ARID1B: variants seen among roughly 807,000 people sequenced by gnomAD.
The protein encoded by ARID1B is AT-rich interaction domain 1B.
A neutral mutation model predicts 212.3 loss-of-function variants in ARID1B; 30 were observed. The ratio of observed to expected loss-of-function variants is 0.14; its 90% CI spans 0.11 to 0.19. The LOEUF is 0.19. ARID1B is among the 10% of genes least tolerant of loss of function. ARID1B has a pLI of 1.00. For synonymous variants in ARID1B, 1,402 were observed against 1,301.7 expected (o/e 1.08, Z -1.66); for missense variants, 2,891 against 3,204.0 (o/e 0.90, Z 2.36).
At chr6:156,879,155 C>G (rs1223212339) in intron 2 of ARID1B, among the ~76,000 whole-genome samples, 1 of 152,230 alleles carries the variant, frequency 6.6e-6, no homozygotes, top group African/African-American at 2.4e-5. Context: ...TACCCACGCA[C>G]TCGGAGCCTC....
intron 4 of ARID1B, among the ~76,000 whole-genome samples, chr6:157,022,074 G>A (rs1420975722): frequency 1.3e-5 from 2 of 152,168 alleles, no homozygotes; most frequent in Non-Finnish European, 2.9e-5. Flanking sequence ...CGGTGGAAAA[G>A]CCAGGAACTA....
rs150385923 is a variant in ARID1B, at chr6:156,914,783, T to C, written c.2136+13258T>C. Among the ~76,000 whole-genome samples, 493 of 152,344 alleles carry C rather than the reference T, an allele frequency of 3.2e-3. 7 individuals carry two copies. The highest frequency in any genetic ancestry group is 0.021 in the East Asian group (111 of 5,186). ...GCGGGCCTCTGGCCACCCAGCCCTT[T>C]ATCCACAAACCTGCCCTGTCTATAT... On this transcript the variant is annotated intron_variant, in intron 3 of 19. Coordinates refer to ENST00000636930, the MANE Select transcript of ARID1B (RefSeq NM_001374828.1).
chr6:157,170,745 G>T (rs1363691810), intron 9 of ARID1B, among the ~76,000 whole-genome samples: 2 of 152,092 alleles, frequency 1.3e-5, no homozygotes, highest in Non-Finnish European at 2.9e-5. Flanking sequence ...CAGGGTACTC[G>T]CTGGCCCCAC....
chr6:157,115,412 A>C (rs953922892), intron 6 of ARID1B, among the ~76,000 whole-genome samples: 1 of 151,608 alleles, frequency 6.6e-6, no homozygotes, highest in Non-Finnish European at 1.5e-5. Flanking sequence ...GTGCTGCTGG[A>C]AGTTTTCTTT....
chr6:157,143,501 T>A (rs1300145928), intron 7 of ARID1B, among the ~76,000 whole-genome samples: 1 of 151,698 alleles, frequency 6.6e-6, no homozygotes, highest in Non-Finnish European at 1.5e-5. Context: ...GGGGTGATGT[T>A]AGTGATGTTG....
chr6:156,924,221 AGT>A (rs1421697863), intron 3 of ARID1B, among the ~76,000 whole-genome samples: 2 of 152,196 alleles, frequency 1.3e-5, no homozygotes, highest in Non-Finnish European at 2.9e-5. Context: ...GATGCCTGAA[AGT>A]GTGGATAGTA....
chr6:156,803,608 T>C (rs1780940663), intron 1 of ARID1B, among the ~76,000 whole-genome samples: 1 of 152,042 alleles, frequency 6.6e-6, no homozygotes, highest in Admixed American at 6.5e-5. Flanking sequence ...TGTGTTTTTT[T>C]CTTGCTTTCA....
At chr6:156,964,305 C>T (rs1053510377) in intron 4 of ARID1B, among the ~76,000 whole-genome samples, 1 of 152,224 alleles carries the variant, frequency 6.6e-6, no homozygotes, top group Non-Finnish European at 1.5e-5. Flanking sequence ...TGCTAAGTCT[C>T]ATTTTGAAAA....
chr6:157,139,125 AAATC>A, intron 7 of ARID1B, among the ~76,000 whole-genome samples: 1 of 152,344 alleles, frequency 6.6e-6, no homozygotes, highest in African/African-American at 2.4e-5. Context: ...AAAAAGAAAA[AAATC>A]AAGCAACTTT....
Position 157,148,741 on chromosome 6 carries a change from C to T in ARID1B, c.2879C>T (p.Pro960Leu). 5.0e-6 allele frequency: 8 copies of T among 1,613,240 alleles called. No individual in the cohort carries two copies. The highest frequency in any genetic ancestry group is 6.8e-6 in the Non-Finnish European group (8 of 1,179,972). Residue 960 changes from proline to leucine, a missense_variant, in exon 8 of 20, where the codon CCA (proline) becomes CTA (leucine). Physicochemically the swap from Pro to Leu is moderately conservative, Grantham distance 98. Transcript: ENST00000636930. This position sits in a 1 kb window ranked among gnomAD's most constrained non-coding sequence, Gnocchi z 5.6. ...NQMHGQGPSQPCGAVPLGRMP... is the reference protein window; with the variant it reads ...NQMHGQGPSQLCGAVPLGRMP... ...ATGCATGGACAAGGGCCAAGCCAGCCATGTGGTGCTGTGCCCCTGGGACGA... is the reference window on the plus strand; with the variant it reads ...ATGCATGGACAAGGGCCAAGCCAGCTATGTGGTGCTGTGCCCCTGGGACGA...
At chr6:156,817,569 G>C (rs1326670485) in intron 1 of ARID1B, among the ~76,000 whole-genome samples, 1 of 152,028 alleles carries the variant, frequency 6.6e-6, no homozygotes, top group Non-Finnish European at 1.5e-5. Context: ...GTTTGAGGCT[G>C]TGTGAGCTGA....
At chr6:156,798,799 T>C (rs1031282100) in intron 1 of ARID1B, among the ~76,000 whole-genome samples, 2 of 152,240 alleles carry the variant, frequency 1.3e-5, no homozygotes, top group African/African-American at 4.8e-5. Flanking sequence ...TTGCCACTTG[T>C]GTGGCGAAAA....
intron 6 of ARID1B, among the ~76,000 whole-genome samples, chr6:157,123,223 T>TCCCC (rs1192105217): frequency 1.5e-3 from 36 of 23,906 alleles, no homozygotes; most frequent in African/African-American, 2.5e-3. Context: ...TTTCTTTCTC[T>TCCCC]CCCCCCCGCC....
At chr6:156,826,616 G>A (rs1344998699) in intron 1 of ARID1B, among the ~76,000 whole-genome samples, 2 of 152,014 alleles carry the variant, frequency 1.3e-5, no homozygotes, top group Non-Finnish European at 2.9e-5. Context: ...TGGAAGAGAG[G>A]ACTGGCAGTT....
intron 12 of ARID1B, 66 bp from the exon 13 acceptor site, chr6:157,184,165 T>G: frequency 6.9e-7 from 1 of 1,458,472 alleles, no homozygotes; most frequent in South Asian, 1.3e-5. Context: ...AAGTGCTTTT[T>G]TTGTCTCCTG....
At chr6:157,098,977 T>G (rs1454523981) in intron 5 of ARID1B, among the ~76,000 whole-genome samples, 1 of 152,188 alleles carries the variant, frequency 6.6e-6, no homozygotes, top group Non-Finnish European at 1.5e-5. Flanking sequence ...TTTTTTATTT[T>G]TTTTGAGACG....
chr6:156,950,272 G>T (rs1047230459), intron 4 of ARID1B, among the ~76,000 whole-genome samples: 1 of 152,196 alleles, frequency 6.6e-6, no homozygotes, highest in African/African-American at 2.4e-5. Context: ...TCCTTACATT[G>T]CTCAAAGAGT....
Position 156,859,915 on chromosome 6 carries a change from G to C in ARID1B, c.1986+30494G>C, listed in dbSNP as rs1054801213. ...AGTTACATAATTGTATGCAGCAGGA[G>C]TTGTTTCAACCATTTGGTCTTGTCC... is the stretch of plus-strand genomic sequence containing the variant. On this transcript the variant is annotated intron_variant, in intron 2 of 19. Coordinates refer to ENST00000636930, the MANE Select transcript of ARID1B (RefSeq NM_001374828.1). Among the ~76,000 whole-genome samples, 7 of 152,326 alleles carry C rather than the reference G, an allele frequency of 4.6e-5. No individual in the cohort carries two copies. The South Asian group carries it at 1.4e-3, about 32-fold the overall frequency.
intron 2 of ARID1B, among the ~76,000 whole-genome samples, chr6:156,899,032 T>C (rs969624839): frequency 2.0e-5 from 3 of 152,174 alleles, no homozygotes; most frequent in South Asian, 2.1e-4. Flanking sequence ...TATCGAGGAA[T>C]TGGTTTTTAA....
Sources: allele counts gnomAD v4.1 joint callset (sites outside exome capture counted in the v4.1 genomes callset), GRCh38; gene constraint gnomAD v4.1.1; non-coding constraint Gnocchi (gnomAD v3.1); transcripts MANE v1.5; gene names NCBI Gene and HGNC (gene_info 2026-07-23, HGNC 2026-07-21).